The following GRAMD1B variants were observed in gnomAD, a reference collection of about 807,000 sequenced individuals.
GRAMD1B encodes the protein protein Aster-B.
In GRAMD1B, 37 loss-of-function variants were observed where a neutral mutation model predicts 99.7. The ratio of observed to expected loss-of-function variants is 0.37; its 90% CI spans 0.29 to 0.49. The LOEUF is 0.49. GRAMD1B is among the 20% of genes least tolerant of loss of function. The pLI is 0.98. For synonymous variants in GRAMD1B, 427 were observed against 387.6 expected (o/e 1.10, Z -1.19); for missense variants, 888 against 1,009.2 (o/e 0.88, Z 1.63).
At chr11:123,490,596 T>TG (rs1938440914) in intron 2 of GRAMD1B, among the ~76,000 whole-genome samples, 1 of 152,058 alleles carries the variant, frequency 6.6e-6, no homozygotes, top group South Asian at 2.1e-4. Context: ...ATGGTGATAG[T>TG]GAAAAAAAGA....
chr11:123,377,186 A>G (rs1946717304), intron 1 of GRAMD1B, among the ~76,000 whole-genome samples: 2 of 152,192 alleles, frequency 1.3e-5, no homozygotes, highest in Admixed American at 1.3e-4. Flanking sequence ...ATATTATTGC[A>G]TTTCCTTTAG....
At chr11:123,476,193 C>G (rs1434330605) in intron 1 of GRAMD1B, among the ~76,000 whole-genome samples, 1 of 152,020 alleles carries the variant, frequency 6.6e-6, no homozygotes, top group Non-Finnish European at 1.5e-5. Flanking sequence ...CTCCACCTCC[C>G]AGGTTCAAGT....
At chr11:123,470,871 T>G (rs758623215) in intron 1 of GRAMD1B, among the ~76,000 whole-genome samples, 5 of 152,178 alleles carry the variant, frequency 3.3e-5, no homozygotes, top group Non-Finnish European at 7.3e-5. Flanking sequence ...TCCATACCAG[T>G]GCTGTCCAAT....
chr11:123,375,707 TAAG>T (rs1418812803), intron 1 of GRAMD1B, among the ~76,000 whole-genome samples: 1 of 152,184 alleles, frequency 6.6e-6, no homozygotes, highest in African/African-American at 2.4e-5. Context: ...GGAAAATAAA[TAAG>T]AAACACATTT....
At chr11:123,383,903 C>T (rs890188946) in intron 1 of GRAMD1B, among the ~76,000 whole-genome samples, 2 of 151,816 alleles carry the variant, frequency 1.3e-5, no homozygotes, top group Non-Finnish European at 2.9e-5. Context: ...TGGAGTCTTG[C>T]TCTGTTGCCC....
chr11:123,538,192 C>G (rs1944153073), intron 2 of GRAMD1B, among the ~76,000 whole-genome samples: 1 of 152,114 alleles, frequency 6.6e-6, no homozygotes, highest in South Asian at 2.1e-4. Context: ...TCCTCCTCTC[C>G]CAGTCATTTA....
At chr11:123,507,563 TC>T (rs1940560661) in intron 2 of GRAMD1B, among the ~76,000 whole-genome samples, 1 of 152,134 alleles carries the variant, frequency 6.6e-6, no homozygotes. Context: ...TATACATCCT[TC>T]CCCCTTACCT....
At chr11:123,603,970 G>T (rs1273792471) in intron 9 of GRAMD1B, among the ~76,000 whole-genome samples, 1 of 152,234 alleles carries the variant, frequency 6.6e-6, no homozygotes. Context: ...GATTTTGAAG[G>T]ATATGTTGAT....
At chr11:123,601,778 G>C (rs1592223865) in intron 8 of GRAMD1B, among the ~76,000 whole-genome samples, 1 of 152,326 alleles carries the variant, frequency 6.6e-6, no homozygotes, top group Middle Eastern at 3.4e-3. Flanking sequence ...TGGCAGGTTT[G>C]AGTTTTCAGT....
At chr11:123,542,980 T>C (rs1219478202) in intron 2 of GRAMD1B, among the ~76,000 whole-genome samples, 1 of 152,190 alleles carries the variant, frequency 6.6e-6, no homozygotes, top group Non-Finnish European at 1.5e-5. Context: ...TTTTTCTTTT[T>C]TTTTTTAAAT....
At chr11:123,475,833 A>T (rs560313477) in intron 1 of GRAMD1B, among the ~76,000 whole-genome samples, 1 of 152,008 alleles carries the variant, frequency 6.6e-6, no homozygotes, top group Admixed American at 6.5e-5. Flanking sequence ...GTGCTTTTTG[A>T]CCTTGTAGCA....
At chr11:123,594,275 G>A (rs1950995848) in intron 5 of GRAMD1B, 109 bp downstream of exon 5, 1 of 761,762 alleles carries the variant, frequency 1.3e-6, no homozygotes, top group African/African-American at 1.7e-5. Context: ...GTAAGCAAGG[G>A]AACAGGGAGA....
upstream of GRAMD1B, among the ~76,000 whole-genome samples, chr11:123,425,959 TC>T (rs1206660613): frequency 3.9e-5 from 6 of 152,172 alleles, no homozygotes; most frequent in African/African-American, 1.2e-4. Flanking sequence ...CCTGTCTTCA[TC>T]CCCGAACCCT....
intron 2 of GRAMD1B, among the ~76,000 whole-genome samples, chr11:123,526,865 T>G (rs928812333): frequency 1.3e-5 from 2 of 152,228 alleles, no homozygotes; most frequent in East Asian, 3.9e-4. Flanking sequence ...TTACCTTCCA[T>G]TTAAAAAATA....
intron 1 of GRAMD1B, among the ~76,000 whole-genome samples, chr11:123,424,581 C>G (rs1948581992): frequency 6.6e-6 from 1 of 152,216 alleles, no homozygotes; most frequent in Admixed American, 6.5e-5. Flanking sequence ...CTTATCTTTT[C>G]CTATTTTCAA....
chr11:123,496,508 G>A (rs1367142307), intron 2 of GRAMD1B, among the ~76,000 whole-genome samples: 1 of 151,446 alleles, frequency 6.6e-6, no homozygotes, highest in Non-Finnish European at 1.5e-5. Context: ...CTTTCTCTAG[G>A]TTTGAGAAGT....
At chr11:123,483,370 T>G (rs1565288923) in intron 2 of GRAMD1B, among the ~76,000 whole-genome samples, 1 of 151,690 alleles carries the variant, frequency 6.6e-6, no homozygotes, top group Non-Finnish European at 1.5e-5. Flanking sequence ...TTATTTCCAT[T>G]TAATATTTTC....
intron 1 of GRAMD1B, among the ~76,000 whole-genome samples, chr11:123,453,627 A>G (rs1949987486): frequency 6.6e-6 from 1 of 152,118 alleles, no homozygotes; most frequent in African/African-American, 2.4e-5. Flanking sequence ...ATATATAGGT[A>G]TGTATTTTTT....
At chr11:123,617,864 C>CCT (rs1954641235) in intron 17 of GRAMD1B, among the ~76,000 whole-genome samples, 1 of 152,200 alleles carries the variant, frequency 6.6e-6, no homozygotes, top group African/African-American at 2.4e-5. Context: ...TATGACTCCC[C>CCT]ACAGCCCCTC....
Sources: allele counts gnomAD v4.1 joint callset (sites outside exome capture counted in the v4.1 genomes callset), GRCh38; gene constraint gnomAD v4.1.1; transcripts MANE v1.5; gene names NCBI Gene and HGNC (gene_info 2026-07-23, HGNC 2026-07-21).